The following CDKN2B-AS1 variants were observed in gnomAD, a reference collection of about 807,000 sequenced individuals.
The protein encoded by CDKN2B-AS1 is CDKN2B antisense RNA 1 (non-protein coding).
chr9:22,055,204 A>C (rs1158955407), intron 3 of CDKN2B-AS1, among the ~76,000 whole-genome samples: 1 of 152,224 alleles, frequency 6.6e-6, no homozygotes. Flanking sequence ...TGATATATGT[A>C]TACATTGTGA....
At chr9:22,049,441 G>A (rs1291082499) in intron 3 of CDKN2B-AS1, among the ~76,000 whole-genome samples, 1 of 151,020 alleles carries the variant, frequency 6.6e-6, no homozygotes, top group Non-Finnish European at 1.5e-5. Context: ...TCCGAAAGGT[G>A]CTTTCCTTGT....
intron 4 of CDKN2B-AS1, among the ~76,000 whole-genome samples, chr9:22,108,625 A>T (rs1825722159): frequency 6.6e-6 from 1 of 152,184 alleles, no homozygotes; most frequent in Non-Finnish European, 1.5e-5. Context: ...CTTTAGAAAA[A>T]TACTTGGTGT....
chr9:22,023,426 T>C (rs1822093140), intron 1 of CDKN2B-AS1, among the ~76,000 whole-genome samples: 1 of 152,140 alleles, frequency 6.6e-6, no homozygotes, highest in African/African-American at 2.4e-5. Context: ...TTATTAATAC[T>C]TGTGATTGCA....
chr9:22,109,742 A>G (rs1463252125), intron 4 of CDKN2B-AS1, among the ~76,000 whole-genome samples: 7 of 152,182 alleles, frequency 4.6e-5, no homozygotes, highest in Non-Finnish European at 1.0e-4. Flanking sequence ...AAAAGAGATC[A>G]TTCAAAAGTA....
At chr9:22,104,435 T>C (rs1825589750) in intron 4 of CDKN2B-AS1, among the ~76,000 whole-genome samples, 1 of 152,076 alleles carries the variant, frequency 6.6e-6, no homozygotes, top group East Asian at 1.9e-4. Flanking sequence ...CTCTACATGG[T>C]TTTGGGGATG....
intron 3 of CDKN2B-AS1, among the ~76,000 whole-genome samples, chr9:22,049,796 AAG>A (rs1823265226): frequency 6.6e-6 from 1 of 152,228 alleles, no homozygotes; most frequent in African/African-American, 2.4e-5. Context: ...GATTGTAACT[AAG>A]AGGAAGCAAA....
intron 3 of CDKN2B-AS1, among the ~76,000 whole-genome samples, chr9:22,053,620 C>A (rs1243803945): frequency 6.6e-6 from 1 of 152,206 alleles, no homozygotes; most frequent in South Asian, 2.1e-4. Context: ...CAGATGACTT[C>A]TTTCTACCAC....
chr9:22,037,000 C>T (rs1348515019), intron 1 of CDKN2B-AS1, among the ~76,000 whole-genome samples: 2 of 152,062 alleles, frequency 1.3e-5, no homozygotes, highest in East Asian at 1.9e-4. Context: ...TCTTTCTCCC[C>T]TTCTCCCTTT....
At chr9:22,029,825 A>G (rs914804539) in intron 1 of CDKN2B-AS1, 1 of 228,738 alleles carries the variant, frequency 4.4e-6, no homozygotes, top group African/African-American at 2.3e-5. Context: ...ATATTACATG[A>G]TTTAAATTAG....
chr9:22,117,700 T>A (rs72654264), intron 4 of CDKN2B-AS1: 1 of 152,286 alleles, frequency 6.6e-6, no homozygotes, highest in Non-Finnish European at 1.5e-5. Flanking sequence ...TTTGTCACTG[T>A]GGAGAAACAG....
chr9:22,001,808 G>C lies in CDKN2B-AS1; in HGVS notation n.29+6647G>C, dbSNP rs1820929711. On this transcript the variant is annotated intron_variant and non_coding_transcript_variant, in intron 1 of 4. Transcript: ENST00000650946. This position sits in a 1 kb window ranked among gnomAD's most constrained non-coding sequence, Gnocchi z 4.2. ...AGAAACTTTTCAGGTATGAAGGATA[G>C]TAGTAGAGATGTTACATGAGTTAGC... Among the ~76,000 whole-genome samples, 1 of 152,094 alleles carries C rather than the reference G, an allele frequency of 6.6e-6. No homozygotes were observed. The highest frequency in any genetic ancestry group is 1.5e-5 in the Non-Finnish European group (1 of 67,954).
intron 4 of CDKN2B-AS1, among the ~76,000 whole-genome samples, chr9:22,057,541 G>A (rs956473744): frequency 3.3e-5 from 5 of 152,190 alleles, no homozygotes; most frequent in African/African-American, 9.7e-5. Context: ...AGGTGTGGTG[G>A]CTCACACCTG....
chr9:22,096,716 A>G (rs1412832571), intron 4 of CDKN2B-AS1, among the ~76,000 whole-genome samples: 1 of 152,068 alleles, frequency 6.6e-6, no homozygotes, highest in Non-Finnish European at 1.5e-5. Context: ...TCCATCTCCA[A>G]TCACACGGAA....
intron 4 of CDKN2B-AS1, among the ~76,000 whole-genome samples, chr9:22,057,448 G>A (rs974431674): frequency 6.6e-6 from 1 of 152,128 alleles, no homozygotes; most frequent in South Asian, 2.1e-4. Context: ...GGTAGATGCA[G>A]CATCTAGTCA....
intron 4 of CDKN2B-AS1, among the ~76,000 whole-genome samples, chr9:22,067,302 G>T (rs973230077): frequency 1.3e-5 from 2 of 152,134 alleles, no homozygotes; most frequent in African/African-American, 4.8e-5. Flanking sequence ...TCAGAATGTT[G>T]TATCTTTTAT....
chr9:22,074,911 T>A (rs1391011674), intron 4 of CDKN2B-AS1, among the ~76,000 whole-genome samples: 3 of 152,242 alleles, frequency 2.0e-5, no homozygotes, highest in Non-Finnish European at 4.4e-5. Flanking sequence ...CATTCTAGGC[T>A]ATTGTTTCTC....
intron 1 of CDKN2B-AS1, among the ~76,000 whole-genome samples, chr9:22,032,140 A>G (rs1822501600): frequency 6.6e-6 from 1 of 152,140 alleles, no homozygotes; most frequent in African/African-American, 2.4e-5. Context: ...GTTTTAAGCT[A>G]TGAGGTTTTT....
At chr9:22,082,067 A>G (rs969193344) in intron 4 of CDKN2B-AS1, among the ~76,000 whole-genome samples, 2 of 152,208 alleles carry the variant, frequency 1.3e-5, no homozygotes, top group Admixed American at 1.3e-4. Context: ...TATACTTAAG[A>G]AAATGACATC....
intron 3 of CDKN2B-AS1, among the ~76,000 whole-genome samples, chr9:22,055,872 G>A (rs184914826): frequency 2.0e-5 from 3 of 152,082 alleles, no homozygotes; most frequent in Non-Finnish European, 1.5e-5. Context: ...TTGGCATATA[G>A]GGAGGATGAA....
Sources: allele counts gnomAD v4.1 joint callset (sites outside exome capture counted in the v4.1 genomes callset), GRCh38; gene constraint gnomAD v4.1.1; non-coding constraint Gnocchi (gnomAD v3.1); transcripts MANE v1.5; gene names NCBI Gene and HGNC (gene_info 2026-07-23, HGNC 2026-07-21).